The following MICU1 variants were observed in gnomAD, a reference collection of about 807,000 sequenced individuals.
MICU1 encodes the protein calcium uptake protein 1, mitochondrial.
A neutral mutation model predicts 56.8 loss-of-function variants in MICU1; 45 were observed. The ratio of observed to expected loss-of-function variants is 0.79; its 90% CI spans 0.62 to 1.02. MICU1 has a LOEUF of 1.02. MICU1 is among the 50% of genes least tolerant of loss of function. The probability of loss-of-function intolerance (pLI) is 0.00; values close to 1 mark genes in which losing one functional copy is unlikely to be tolerated. For synonymous variants in MICU1, 186 were observed against 195.1 expected, an observed-to-expected ratio of 0.95 and a Z score of 0.39; for missense variants, 504 against 587.1, an observed-to-expected ratio of 0.86 and a Z score of 1.46.
chr10:72,430,778 A>T (rs1376386363), intron 8 of MICU1, among the ~76,000 whole-genome samples: 2 of 152,030 alleles, frequency 1.3e-5, no homozygotes, highest in South Asian at 4.1e-4. Context: ...CAGGCTGGTC[A>T]TGAACTCCTG....
rs115573252 is a variant in MICU1, at chr10:72,597,044, T to C, written c.-2+28966A>G. On this transcript the variant is annotated intron_variant, in intron 1 of 11. Transcript: ENST00000361114. ...GAAATTGGGGGGCGAGATGAAGGCA[T>C]ATGTGGGAACTCTGTACTTTTTGCT... Among the ~76,000 whole-genome samples, 171 of 152,232 alleles carry C rather than the reference T, an allele frequency of 1.1e-3. 1 individual carries two copies. Among genetic ancestry groups the C allele is most frequent in the African/African-American group, 3.9e-3 (164 of 41,552 alleles).
At chr10:72,436,841 A>G in intron 8 of MICU1, among the ~76,000 whole-genome samples, 1 of 151,698 alleles carries the variant, frequency 6.6e-6, no homozygotes, top group African/African-American at 2.4e-5. Flanking sequence ...AATGAAATAA[A>G]ACAAAAAGAT....
chr10:72,573,094 A>T (rs1366888168), intron 1 of MICU1, among the ~76,000 whole-genome samples: 1 of 152,114 alleles, frequency 6.6e-6, no homozygotes, highest in Non-Finnish European at 1.5e-5. Context: ...TGATAAATCT[A>T]TATAAAGCAA....
rs529381059 is a variant in MICU1 at position 72,588,419 on chromosome 10, G to A, written c.-1-21625C>T. 6.6e-5 allele frequency among the ~76,000 whole-genome samples: 10 copies of A among 151,934 alleles called. No individual in the cohort carries two copies. The South Asian group carries it at 8.3e-4, about 13-fold the overall frequency. ...GGAAAAAAAACAACTTACATTTTCT[G>A]CCCAATTACACATACTTTAGCTCTA... On this transcript the variant is annotated intron_variant, in intron 1 of 11. Transcript: ENST00000361114.
intron 8 of MICU1, among the ~76,000 whole-genome samples, chr10:72,433,131 G>A (rs1304560889): frequency 6.8e-6 from 1 of 147,072 alleles, no homozygotes; most frequent in Non-Finnish European, 1.5e-5. Context: ...GTAGAGATGA[G>A]GGTTCACCAT....
chr10:72,622,077 G>A (rs1384905377), intron 1 of MICU1, among the ~76,000 whole-genome samples: 6 of 151,734 alleles, frequency 4.0e-5, no homozygotes, highest in African/African-American at 7.3e-5. Flanking sequence ...CACCACACTC[G>A]GCTAATTTTT....
chr10:72,420,989 C>T (rs1458191346), intron 9 of MICU1, among the ~76,000 whole-genome samples: 2 of 110,558 alleles, frequency 1.8e-5, no homozygotes, highest in South Asian at 5.6e-4. Context: ...GCAACAAGAG[C>T]GAAACTCCGT....
intron 1 of MICU1, among the ~76,000 whole-genome samples, chr10:72,569,117 C>T (rs1840524191): frequency 6.9e-6 from 1 of 144,978 alleles, no homozygotes; most frequent in Non-Finnish European, 1.5e-5. Context: ...TATGTGAGAC[C>T]CAGAAAGCCA....
chr10:72,594,551 A>T (rs948361687), intron 1 of MICU1, among the ~76,000 whole-genome samples: 8 of 152,146 alleles, frequency 5.3e-5, no homozygotes, highest in African/African-American at 1.9e-4. Flanking sequence ...AAAAATAGAC[A>T]AATTAGACTT....
At chr10:72,598,428 G>A (rs111940498) in intron 1 of MICU1, among the ~76,000 whole-genome samples, 8,045 of 151,862 alleles carry the variant, frequency 0.053, 726 homozygotes, top group African/African-American at 0.18. Flanking sequence ...GCTGATTTTT[G>A]TATTTTTAGT....
Position 72,551,341 on chromosome 10 carries a change from C to T in MICU1, c.331G>A (p.Val111Met). The change falls in exon 4 of 12, where the codon GTG becomes ATG. Residue 111 changes from valine (V) to methionine (M), a missense_variant and splice_region_variant. Coordinates refer to ENST00000361114, the MANE Select transcript of MICU1 (RefSeq NM_001195518.2). The stretch of plus-strand genomic sequence containing the variant: ...CGAATCCTATTCTCATATTCCATCA[C>T]CTAAAGTTAGAAATTTAGAAAGTGT... ...KKRSGFRDRK[V>M]MEYENRIRAY... 6.3e-7 allele frequency: 1 copy of T among 1,597,486 alleles called. No homozygotes were observed. Among genetic ancestry groups the T allele is most frequent in the South Asian group, 1.1e-5 (1 of 88,428 alleles).
At chr10:72,490,678 G>C (rs1009291934) in intron 6 of MICU1, among the ~76,000 whole-genome samples, 4 of 152,096 alleles carry the variant, frequency 2.6e-5, no homozygotes, top group Admixed American at 6.6e-5. Context: ...TCTGCACAAT[G>C]GCAAGAGGAT....
chr10:72,580,651 A>G (rs2132506075), intron 1 of MICU1, among the ~76,000 whole-genome samples: 1 of 152,048 alleles, frequency 6.6e-6, no homozygotes, highest in East Asian at 1.9e-4. Context: ...TAACTTTCGT[A>G]TTTTTTGTAG....
At chr10:72,513,675 T>C (rs562402308) in intron 5 of MICU1, among the ~76,000 whole-genome samples, 32 of 152,304 alleles carry the variant, frequency 2.1e-4, no homozygotes, top group African/African-American at 7.7e-4. Flanking sequence ...TTTACAGCAT[T>C]TGCTCTTTTT....
chr10:72,492,676 T>C (rs1866697078), intron 6 of MICU1, among the ~76,000 whole-genome samples: 1 of 151,026 alleles, frequency 6.6e-6, no homozygotes, highest in African/African-American at 2.4e-5. Context: ...GGCAGGAGAA[T>C]TGCTTGAACC....
intron 8 of MICU1, among the ~76,000 whole-genome samples, chr10:72,431,674 C>A (rs1376478183): frequency 6.6e-6 from 1 of 152,214 alleles, no homozygotes; most frequent in Non-Finnish European, 1.5e-5. Flanking sequence ...AGAGTGCCCA[C>A]TGCTTTGCAT....
chr10:72,547,086 G>A (rs1213478421), intron 4 of MICU1, among the ~76,000 whole-genome samples: 1 of 151,990 alleles, frequency 6.6e-6, no homozygotes, highest in East Asian at 1.9e-4. Flanking sequence ...GTACAGACGA[G>A]GTTTCACCAT....
intron 8 of MICU1, among the ~76,000 whole-genome samples, chr10:72,465,831 C>T (rs1361050232): frequency 6.6e-6 from 1 of 152,064 alleles, no homozygotes; most frequent in Non-Finnish European, 1.5e-5. Context: ...AGGTCTTTCA[C>T]TCCTACATTT....
chr10:72,497,057 A>C (rs1866868965), intron 6 of MICU1, among the ~76,000 whole-genome samples: 1 of 151,836 alleles, frequency 6.6e-6, no homozygotes, highest in African/African-American at 2.4e-5. Context: ...AAAACAAATA[A>C]GAGTTTTCTT....
Sources: allele counts gnomAD v4.1 joint callset (sites outside exome capture counted in the v4.1 genomes callset), GRCh38; gene constraint gnomAD v4.1.1; transcripts MANE v1.5; gene names NCBI Gene and HGNC (gene_info 2026-07-23, HGNC 2026-07-21).